Variants in SYT16 observed in about 807,000 individuals in gnomAD.
SYT16 encodes synaptotagmin-16.
In SYT16, 42 loss-of-function variants were observed where a neutral mutation model predicts 61.4. The ratio of observed to expected loss-of-function variants is 0.68; its 90% CI spans 0.53 to 0.89. The LOEUF (loss-of-function observed/expected upper bound fraction) is 0.89, where lower values mean the gene tolerates loss of function less well. Ranked by LOEUF, SYT16 falls within the 40% of genes least tolerant of loss-of-function variation. SYT16 has a pLI of 0.00. For synonymous variants in SYT16, 314 were observed against 302.3 expected, an observed-to-expected ratio of 1.04 and a Z score of -0.40; for missense variants, 804 against 807.3, an observed-to-expected ratio of 1.00 and a Z score of 0.05.
At chr14:61,905,498 C>A (rs71422930) in intron 1 of SYT16, among the ~76,000 whole-genome samples, 2,379 of 152,310 alleles carry the variant, frequency 0.016, 29 homozygotes, top group Non-Finnish European at 0.025. Flanking sequence ...GCATCTGGGA[C>A]CATCTGACTG....
At chr14:62,055,782 G>C (rs2055527364) in intron 3 of SYT16, among the ~76,000 whole-genome samples, 2 of 152,274 alleles carry the variant, frequency 1.3e-5, no homozygotes, top group Non-Finnish European at 1.5e-5. Context: ...ATATATAAAG[G>C]GGAGTTTATT....
chr14:61,986,420 CTTT>C (rs1346328142), intron 2 of SYT16, among the ~76,000 whole-genome samples: 2 of 149,786 alleles, frequency 1.3e-5, no homozygotes, highest in East Asian at 1.9e-4. Context: ...AGAACAGGTA[CTTT>C]TTTATTTTTT....
chr14:61,994,724 G>A (rs1254263778), intron 2 of SYT16, among the ~76,000 whole-genome samples: 1 of 152,152 alleles, frequency 6.6e-6, no homozygotes, highest in African/African-American at 2.4e-5. Flanking sequence ...CCCTGTAACT[G>A]AAATGTGGGC....
intron 1 of SYT16, among the ~76,000 whole-genome samples, chr14:61,845,989 A>T (rs889474866): frequency 1.3e-5 from 2 of 152,114 alleles, no homozygotes; most frequent in Non-Finnish European, 1.5e-5. Context: ...ATCGTTTCCA[A>T]ATTCCTCTAG....
intron 3 of SYT16, among the ~76,000 whole-genome samples, chr14:62,037,009 C>A (rs1056949533): frequency 2.6e-5 from 4 of 152,134 alleles, no homozygotes; most frequent in Non-Finnish European, 5.9e-5. Context: ...AGGGAAGGAA[C>A]TTGGTCAGTG....
intron 2 of SYT16, among the ~76,000 whole-genome samples, chr14:61,995,151 G>A (rs1019367162): frequency 2.6e-5 from 4 of 152,090 alleles, no homozygotes; most frequent in African/African-American, 9.7e-5. Context: ...AGTGTCCTGT[G>A]GTTCTGTTGA....
intron 3 of SYT16, among the ~76,000 whole-genome samples, chr14:62,039,651 A>G (rs1363306042): frequency 6.6e-6 from 1 of 152,218 alleles, no homozygotes; most frequent in East Asian, 1.9e-4. Flanking sequence ...CATTTATTGC[A>G]GGAATTCAGC....
At chr14:61,881,408 G>T (rs1322204529) in intron 1 of SYT16, among the ~76,000 whole-genome samples, 1 of 152,122 alleles carries the variant, frequency 6.6e-6, no homozygotes, top group Non-Finnish European at 1.5e-5. Context: ...CTTCCGTTTT[G>T]GTATTCCATT....
At chr14:62,044,362 C>T (rs751103938) in intron 3 of SYT16, among the ~76,000 whole-genome samples, 4 of 152,124 alleles carry the variant, frequency 2.6e-5, no homozygotes, top group Non-Finnish European at 5.9e-5. Flanking sequence ...TATACACATG[C>T]CATGGTGGTT....
chr14:62,034,155 C>T (rs2054414184), intron 3 of SYT16, among the ~76,000 whole-genome samples: 1 of 152,152 alleles, frequency 6.6e-6, no homozygotes, highest in African/African-American at 2.4e-5. Context: ...TATGAGGTGC[C>T]ACCTTGTACC....
chr14:61,981,718 C>T (rs2052085474), intron 2 of SYT16, among the ~76,000 whole-genome samples: 2 of 152,080 alleles, frequency 1.3e-5, no homozygotes, highest in Admixed American at 1.3e-4. Flanking sequence ...CAGCTGATTG[C>T]TGGAGATGGA....
chr14:62,069,505 A>G (rs1003924274), intron 3 of SYT16, 98 bp from the exon 4 acceptor site: 1 of 1,236,910 alleles, frequency 8.1e-7, no homozygotes, highest in Non-Finnish European at 1.1e-6. Context: ...GTTCAAACTC[A>G]TTGTCCACGT....
At chr14:61,975,721 C>T (rs1364494090) in intron 2 of SYT16, among the ~76,000 whole-genome samples, 3 of 152,108 alleles carry the variant, frequency 2.0e-5, no homozygotes, top group Non-Finnish European at 4.4e-5. Flanking sequence ...TTAGGGTTAC[C>T]ATAACAACTT....
chr14:61,848,948 C>T (rs2046526406), intron 1 of SYT16, among the ~76,000 whole-genome samples: 1 of 152,182 alleles, frequency 6.6e-6, no homozygotes, highest in African/African-American at 2.4e-5. Context: ...GTCTCAGAGT[C>T]ATGCAAGGCC....
chr14:62,051,096 C>T (rs944901347), intron 3 of SYT16, among the ~76,000 whole-genome samples: 1 of 152,242 alleles, frequency 6.6e-6, no homozygotes. Context: ...AGGCAGGCCT[C>T]CTTGAGCTGT....
intron 1 of SYT16, among the ~76,000 whole-genome samples, chr14:61,888,261 G>A (rs772317258): frequency 2.0e-5 from 3 of 151,866 alleles, no homozygotes; most frequent in Admixed American, 2.0e-4. Context: ...GGGATTACAG[G>A]TGCACGCCAC....
chr14:61,946,522 A>T (rs1248822151), intron 1 of SYT16, among the ~76,000 whole-genome samples: 2 of 152,202 alleles, frequency 1.3e-5, no homozygotes, highest in African/African-American at 4.8e-5. Context: ...TATGCATCTA[A>T]AAAACCTGCA....
At chr14:61,822,225 G>A (rs1012504749) in intron 1 of SYT16, among the ~76,000 whole-genome samples, 4 of 152,324 alleles carry the variant, frequency 2.6e-5, no homozygotes, top group South Asian at 4.1e-4. Context: ...AAAAGCTGAA[G>A]AACCTGGAGT....
At chr14:61,852,665 A>C (rs2046651988) in intron 1 of SYT16, among the ~76,000 whole-genome samples, 1 of 151,776 alleles carries the variant, frequency 6.6e-6, no homozygotes. Flanking sequence ...TAGGTATTTT[A>C]TTCTTTTTGT....
Sources: allele counts gnomAD v4.1 joint callset (sites outside exome capture counted in the v4.1 genomes callset), GRCh38; gene constraint gnomAD v4.1.1; transcripts MANE v1.5; gene names NCBI Gene and HGNC (gene_info 2026-07-23, HGNC 2026-07-21).